The following ADAMTS16 variants were observed in gnomAD, a reference collection of about 807,000 sequenced individuals.
ADAMTS16 encodes the protein ADAM metallopeptidase with thrombospondin type 1 motif 16.
Under a neutral mutation model 145.8 loss-of-function variants are expected in ADAMTS16, and 94 were observed. The observed-to-expected ratio is 0.64, with a 90% CI of 0.55 to 0.77. The LOEUF is 0.77. Ranked by LOEUF, ADAMTS16 falls within the 30% of genes least tolerant of loss-of-function variation. ADAMTS16 has a pLI of 0.00. For synonymous variants in ADAMTS16, 659 were observed against 604.3 expected, an observed-to-expected ratio of 1.09 and a Z score of -1.33; for missense variants, 1,585 against 1,591.5, an observed-to-expected ratio of 1.00 and a Z score of 0.07.
chr5:5,225,533 C>A (rs1171252215), intron 11 of ADAMTS16, among the ~76,000 whole-genome samples: 1 of 151,322 alleles, frequency 6.6e-6, no homozygotes, highest in Non-Finnish European at 1.5e-5. Flanking sequence ...AACCCGGAGA[C>A]GGAGGTTGCA....
intron 17 of ADAMTS16, among the ~76,000 whole-genome samples, chr5:5,249,290 T>C (rs1028625528): frequency 3.3e-5 from 5 of 151,886 alleles, no homozygotes; most frequent in African/African-American, 7.3e-5. Flanking sequence ...TGGAGTGTAG[T>C]TTCTTTTGCT....
Position 5,298,731 on chromosome 5 carries a change from T to C in ADAMTS16, c.2790-4537T>C, listed in dbSNP as rs116542239. ...TTACATTATATTAGATCTCAAATTA[T>C]ACATGTGAAGATGCTGCTATTTTAT... On this transcript the variant is annotated intron_variant, in intron 18 of 22. Coordinates refer to ENST00000274181, the MANE Select transcript of ADAMTS16 (RefSeq NM_139056.4). Among the ~76,000 whole-genome samples the C allele has an allele frequency of 7.2e-3, 1,103 of 152,376 alleles. 17 individuals carry two copies. Among genetic ancestry groups the C allele is most frequent in the African/African-American group, 0.025 (1,030 of 41,590 alleles).
In ADAMTS16 at chr5:5,182,172, G is replaced by T; in HGVS notation, c.630G>T (p.Glu210Asp). Reference protein sequence around the residue: ...PSHVLYKRSTEPHAPGASEVL... With the variant: ...PSHVLYKRSTDPHAPGASEVL... ...ACGTACTGTACAAGAGATCCACAGA[G>T]CCCCATGCTCCTGGGGCCAGTGAGG... The change falls in exon 4 of 23, where the codon GAG (glutamate) becomes GAT (aspartate). Residue 210 changes from glutamate (E) to aspartate (D), a missense_variant. By Grantham distance (45) the Glu-to-Asp change is conservative. Around this residue, in one of 3 missense-constraint regions of ADAMTS16, gnomAD observed 453 missense variants for 412.1 expected, o/e 1.10. Coordinates refer to ENST00000274181, the MANE Select transcript of ADAMTS16 (RefSeq NM_139056.4). 6.2e-7 allele frequency: 1 copy of T among 1,614,142 alleles called. No homozygotes were observed. The highest frequency in any genetic ancestry group is 2.2e-5 in the East Asian group (1 of 44,868).
intron 9 of ADAMTS16, among the ~76,000 whole-genome samples, chr5:5,207,711 A>ATT (rs71604112): frequency 0.022 from 3,213 of 146,840 alleles, 111 homozygotes; most frequent in African/African-American, 0.072. Flanking sequence ...GTTTGCTGGG[A>ATT]TTTTTTTTTT....
chr5:5,214,967 C>T (rs909845140), intron 10 of ADAMTS16, among the ~76,000 whole-genome samples: 2 of 151,978 alleles, frequency 1.3e-5, no homozygotes, highest in African/African-American at 2.4e-5. Flanking sequence ...CAAGAAATAA[C>T]AATAAGAAGC....
At chr5:5,140,851 T>C in intron 2 of ADAMTS16, 85 bp downstream of exon 2, 6 of 1,311,294 alleles carry the variant, frequency 4.6e-6, no homozygotes, top group Non-Finnish European at 6.1e-6. Context: ...GTGCTGTGAA[T>C]GTTCACGACT....
intron 6 of ADAMTS16, 119 bp from the exon 7 acceptor site, chr5:5,189,852 A>T: frequency 7.9e-7 from 1 of 1,272,682 alleles, no homozygotes; most frequent in Non-Finnish European, 1.1e-6. Context: ...CTTATATGCC[A>T]TCCAGATCCA....
At chr5:5,258,712 G>A (rs142355639) in intron 17 of ADAMTS16, among the ~76,000 whole-genome samples, 3,221 of 152,226 alleles carry the variant, frequency 0.021, 39 homozygotes, top group Non-Finnish European at 0.032. Context: ...GAGGTTGCAG[G>A]GCAGGGTCAC....
At chr5:5,236,422 C>G (rs1426154677) in intron 13 of ADAMTS16, among the ~76,000 whole-genome samples, 1 of 152,060 alleles carries the variant, frequency 6.6e-6, no homozygotes, top group Non-Finnish European at 1.5e-5. Context: ...TCCTATTTCT[C>G]TAGGTACCAA....
At chr5:5,202,213 C>A (rs1366995707) in intron 9 of ADAMTS16, among the ~76,000 whole-genome samples, 1 of 152,060 alleles carries the variant, frequency 6.6e-6, no homozygotes, top group Admixed American at 6.5e-5. Flanking sequence ...TAGCTTCCTC[C>A]TTTTTGGTGT....
Position 5,140,697 on chromosome 5 carries a change from G to A in ADAMTS16, c.106G>A (p.Ala36Thr). ...GTGCGCCATGGGACCCGCAGCGGCA[G>A]CGCCTGGGAGCCCGAGCGTCCCGCG... ...PACAMGPAAA[A>T]PGSPSVPRPP... The change falls in exon 2 of 23, where the codon GCG (alanine) becomes ACG (threonine). Residue 36 changes from alanine (A) to threonine (T), a missense_variant. Ala to Thr is a moderately conservative substitution (Grantham distance 58). Coordinates refer to ENST00000274181, the MANE Select transcript of ADAMTS16 (RefSeq NM_139056.4). 1.3e-6 allele frequency: 2 copies of A among 1,565,298 alleles called. No homozygotes were observed. The highest frequency in any genetic ancestry group is 1.8e-4 in the Middle Eastern group (1 of 5,510).
At chr5:5,298,438 G>A (rs542105483) in intron 18 of ADAMTS16, among the ~76,000 whole-genome samples, 3 of 152,184 alleles carry the variant, frequency 2.0e-5, no homozygotes, top group African/African-American at 7.2e-5. Context: ...CTGATGAAGC[G>A]TCCTTTGTCC....
At chr5:5,266,488 G>A (rs1738244325) in intron 18 of ADAMTS16, among the ~76,000 whole-genome samples, 1 of 152,236 alleles carries the variant, frequency 6.6e-6, no homozygotes, top group Admixed American at 6.5e-5. Context: ...ACCGCATGGG[G>A]AGAATGCTGG....
At chr5:5,197,326 C>G (rs1270021835) in intron 8 of ADAMTS16, among the ~76,000 whole-genome samples, 1 of 152,196 alleles carries the variant, frequency 6.6e-6, no homozygotes, top group Non-Finnish European at 1.5e-5. Flanking sequence ...ATGATAAAAG[C>G]ATGACATTGA....
chr5:5,143,030 C>T (rs377383504), intron 2 of ADAMTS16, among the ~76,000 whole-genome samples: 2 of 152,176 alleles, frequency 1.3e-5, no homozygotes, highest in African/African-American at 4.8e-5. Context: ...TGGACCCTTC[C>T]TTACACCTTA....
At chr5:5,180,167 A>G (rs1214849902) in intron 3 of ADAMTS16, among the ~76,000 whole-genome samples, 1 of 152,174 alleles carries the variant, frequency 6.6e-6, no homozygotes, top group Admixed American at 6.5e-5. Context: ...AGGCAAATTT[A>G]GAATGGACAT....
intron 17 of ADAMTS16, 63 bp from the exon 18 acceptor site, chr5:5,262,594 A>T: frequency 1.3e-6 from 2 of 1,556,038 alleles, no homozygotes; most frequent in South Asian, 2.5e-5. Context: ...TTAGCTCATC[A>T]TCTGCCTTTT....
intron 17 of ADAMTS16, among the ~76,000 whole-genome samples, chr5:5,246,020 T>C (rs991439018): frequency 2.0e-5 from 3 of 152,208 alleles, no homozygotes; most frequent in Admixed American, 6.5e-5. Flanking sequence ...AACCAGTTTA[T>C]CTTATTGTGT....
intron 8 of ADAMTS16, among the ~76,000 whole-genome samples, chr5:5,193,975 G>A (rs1041804125): frequency 2.0e-5 from 3 of 151,862 alleles, no homozygotes; most frequent in Non-Finnish European, 2.9e-5. Flanking sequence ...GGTGGTGTGC[G>A]TCTGTAGTCC....
Sources: gnomAD v4.1 joint callset for allele counts (sites outside exome capture counted in the v4.1 genomes callset) on GRCh38, gnomAD v4.1.1 for gene constraint, gnomAD v4.1.1 regional missense constraint, MANE v1.5 for transcripts, NCBI Gene and HGNC (gene_info 2026-07-23, HGNC 2026-07-21) for gene names.